Variants in HUWE1 observed in about 807,000 individuals in gnomAD.
The protein encoded by HUWE1 is HECT, UBA and WWE domain containing E3 ubiquitin protein ligase 1.
In HUWE1, 18 loss-of-function variants were observed where a neutral mutation model predicts 299.4. That is an observed-to-expected ratio of 0.06 (90% CI 0.04 to 0.09). The LOEUF (loss-of-function observed/expected upper bound fraction) is 0.09. HUWE1 is among the 10% of genes least tolerant of loss of function. The pLI is 1.00. For missense variants in HUWE1, 1,832 were observed against 3,462.3 expected, an observed-to-expected ratio of 0.53 and a Z score of 11.82; for synonymous variants, 1,317 against 1,286.1, an observed-to-expected ratio of 1.02 and a Z score of -0.51.
Position 53,546,430 on chromosome X carries a change from T to G in HUWE1, c.10915+6A>C, listed in dbSNP as rs782713207. 1 of 1,205,193 alleles carries G rather than the reference T, an allele frequency of 8.3e-7. No homozygotes were observed. On this transcript the variant is annotated splice_donor_region_variant and intron_variant, in intron 70 of 83. Transcript: ENST00000262854. ...GAAAGAGAAAATGCTTTACTTCTGCTATTACCTATTTGTTTACAAAGGGTA... is the reference window on the plus strand; with the variant it reads ...GAAAGAGAAAATGCTTTACTTCTGCGATTACCTATTTGTTTACAAAGGGTA...
intron 3 of HUWE1, among the ~76,000 whole-genome samples, chrX:53,672,993 A>C (rs1480172981): frequency 8.9e-6 from 1 of 112,158 alleles, no homozygotes; most frequent in East Asian, 2.8e-4. Flanking sequence ...TTACTTAAAA[A>C]CAAATTCAGG....
At chrX:53,630,889 C>T in intron 12 of HUWE1, 46 bp downstream of exon 12, 2 of 786,822 alleles carry the variant, frequency 2.5e-6, no homozygotes, top group Non-Finnish European at 3.9e-6. Flanking sequence ...GAAATCAGGC[C>T]CAAACTGTCT....
chrX:53,683,845 T>TGGGGGGGGGGGGGGGGGGGGGGGGG, intron 2 of HUWE1: 2 of 191,734 alleles, frequency 1.0e-5, no homozygotes, highest in East Asian at 8.3e-5. Context: ...CCCTAGTCAC[T>TGGGGGGGGGGGGGGGGGGGGGGGGG]GCCCCCCCAC....
rs910033476 is a variant in HUWE1 at position 53,547,113 on chromosome X, A to G, written c.10637-288T>C. Among the ~76,000 whole-genome samples, 11 of 112,346 alleles carry G rather than the reference A, an allele frequency of 9.8e-5. No homozygotes were observed. In the Admixed American group the frequency reaches 1.0e-3, roughly 11 times the overall value. ...TCTTATGACTGTAACTTCTAAGCTG[A>G]AAAAGAAACCCCAGGCATTTCTTCC... is the stretch of plus-strand genomic sequence containing the variant. On this transcript the variant is annotated intron_variant, in intron 68 of 83. Transcript: ENST00000262854.
At chrX:53,569,350 T>A (rs782095992) in intron 48 of HUWE1, among the ~76,000 whole-genome samples, 2 of 112,725 alleles carry the variant, frequency 1.8e-5, no homozygotes, top group Non-Finnish European at 3.8e-5. Context: ...ATTTAAAATA[T>A]AAGATCAAAT....
rs2061615303 is a variant in HUWE1, at chrX:53,547,882, G to A, written c.10427C>T (p.Ser3476Phe). 8.3e-7 allele frequency: 1 copy of A among 1,207,317 alleles called. No individual in the cohort carries two copies. Among genetic ancestry groups the A allele is most frequent in the Non-Finnish European group, 1.1e-6 (1 of 893,960 alleles). The change falls in exon 68 of 84, where the codon TCT (serine) becomes TTT (phenylalanine). Residue 3476 changes from serine to phenylalanine, a missense_variant. By Grantham distance (155) the Ser-to-Phe change is radical (BLOSUM62 -2). Coordinates refer to ENST00000262854, the MANE Select transcript of HUWE1 (RefSeq NM_031407.7). ...ENKVSEAQAN[S>F]GSGASSTTTA... ...GGTGGTGGAGGAAGCACCGCTGCCAGAATTAGCCTGTGCTTCTGACACCTT... is the reference window on the plus strand; with the variant it reads ...GGTGGTGGAGGAAGCACCGCTGCCAAAATTAGCCTGTGCTTCTGACACCTT...
chrX:53,592,371 C>T, intron 33 of HUWE1, 27 bp downstream of exon 33: 2 of 1,114,882 alleles, frequency 1.8e-6, no homozygotes, highest in Middle Eastern at 2.4e-4. Context: ...AAAGTCTGGA[C>T]CCTGGAGTGT....
chrX:53,602,334 GTT>G (rs78904716), intron 28 of HUWE1, among the ~76,000 whole-genome samples: 4 of 93,588 alleles, frequency 4.3e-5, no homozygotes, highest in Non-Finnish European at 2.1e-5. Flanking sequence ...CTTCCAAAAT[GTT>G]TTTTTTTTTT....
At chrX:53,593,837 G>A (rs2064294802) in intron 31 of HUWE1, among the ~76,000 whole-genome samples, 1 of 112,034 alleles carries the variant, frequency 8.9e-6, no homozygotes, top group African/African-American at 3.2e-5. Context: ...GGTGGCTCAC[G>A]CCTGTAATCC....
rs782387223 is a variant in HUWE1 at position 53,549,117 on chromosome X, C to A, written c.9877G>T (p.Ala3293Ser). The change falls in exon 67 of 84, where the codon GCC (alanine) becomes TCC (serine). Residue 3293 changes from alanine (A) to serine (S), a missense_variant. Physicochemically the swap from Ala to Ser is moderately conservative, Grantham distance 99. This residue lies in a region of HUWE1 where 80 missense variants were observed against 142.1 expected (regional missense o/e 0.56). Coordinates refer to ENST00000262854, the MANE Select transcript of HUWE1 (RefSeq NM_031407.7). ...AATATATTAGTCCTGCAGCCTAGGGCTGCATCCATGGATACTGAGAGCCAG... is the reference window on the plus strand; with the variant it reads ...AATATATTAGTCCTGCAGCCTAGGGATGCATCCATGGATACTGAGAGCCAG... Reference protein sequence around the residue: ...LSWLSVSMDAALGCRTNIFQI... With the variant: ...LSWLSVSMDASLGCRTNIFQI... The A allele has an allele frequency of 8.2e-7, 1 of 1,212,263 alleles. No individual in the cohort carries two copies. The highest frequency in any genetic ancestry group is 1.7e-5 in the African/African-American group (1 of 57,926).
At position 53,614,620 on chromosome X, in the gene HUWE1, G is replaced by C. The variant is rs1557005581; in HGVS notation, c.2175C>G (p.Ala725=). 8.3e-7 allele frequency: 1 copy of C among 1,209,667 alleles called. No individual in the cohort carries two copies. Reference sequence around the variant, plus strand: ...CCTCTTCCTCCTCATCCTCACTAGAGGCTTCTTCTGCGGCATGATTAGACC... The same window carrying C: ...CCTCTTCCTCCTCATCCTCACTAGACGCTTCTTCTGCGGCATGATTAGACC... ...PPRSNHAAEE[A]SSEDEEEEEV... is the part of the protein sequence containing the mutation. The change falls in exon 23 of 84, where the codon GCC becomes GCG. Residue 725 remains alanine (A), a synonymous_variant. Transcript: ENST00000262854.
At position 53,538,989 on chromosome X, in the gene HUWE1, C is replaced by T; in HGVS notation, c.11724G>A (p.Leu3908=). 8.3e-7 allele frequency: 1 copy of T among 1,208,626 alleles called. No individual in the cohort carries two copies. Among genetic ancestry groups the T allele is most frequent in the Non-Finnish European group, 1.1e-6 (1 of 894,282 alleles). The part of the protein sequence containing the change: ...PPVRDTRESQ[L]AHIKDEPPPL... ...GAGGAGGCTCGTCCTTGATGTGTGC[C>T]AGCTGGCTCTCACGGGTGTCTCGGA... The change falls in exon 76 of 84, where the codon CTG becomes CTA. Residue 3908 remains leucine (L), a synonymous_variant. Coordinates refer to ENST00000262854, the MANE Select transcript of HUWE1 (RefSeq NM_031407.7).
Position 53,544,918 on chromosome X carries a change from G to T in HUWE1, c.11048+111C>A, listed in dbSNP as rs1602547968. 21 of 977,330 alleles carry T rather than the reference G, an allele frequency of 2.1e-5. No individual in the cohort carries two copies. In the East Asian group the frequency reaches 6.3e-4, roughly 29 times the overall value. The allele number at this position is 977,330 out of a possible 1,213,427, so 80.5% of individuals were successfully genotyped here. On this transcript the variant is annotated intron_variant, in intron 71 of 83. Transcript: ENST00000262854. ...AAAAAAATGGGTCAAGTGTGTATAG[G>T]AAAGATACGAAAATCACCCAGAGAA...
chrX:53,544,008 AG>A, intron 72 of HUWE1, 40 bp from the exon 73 acceptor site: 1 of 1,100,962 alleles, frequency 9.1e-7, no homozygotes, highest in Non-Finnish European at 1.2e-6. Context: ...TATAAAATAT[AG>A]GAAGAGGGAA....
rs151261147 is a variant in HUWE1, at chrX:53,535,155, A to G, written c.12649+229T>C. Among the ~76,000 whole-genome samples, 1,236 of 111,051 alleles carry G rather than the reference A, an allele frequency of 0.011. 10 individuals are homozygous for G. The highest frequency in any genetic ancestry group is 0.019 in the Non-Finnish European group (986 of 52,898). ...TCACCATGTTGGCCAGGCTGGTCTC[A>G]AACTCCTCACCTCAACTGATCCGCC... is the stretch of plus-strand genomic sequence containing the variant. On this transcript the variant is annotated intron_variant, in intron 81 of 83. Transcript: ENST00000262854.
At chrX:53,623,556 C>T (rs782747239) in intron 19 of HUWE1, among the ~76,000 whole-genome samples, 2 of 111,529 alleles carry the variant, frequency 1.8e-5, no homozygotes, top group East Asian at 2.8e-4. Flanking sequence ...ATATTAAATG[C>T]TTTTCCCTCT....
chrX:53,585,296 T>A, intron 39 of HUWE1, 108 bp from the exon 40 acceptor site: 1 of 762,652 alleles, frequency 1.3e-6, no homozygotes, highest in Non-Finnish European at 1.9e-6. Context: ...AAAAGAAATA[T>A]ACTGGACAAT....
At position 53,539,784 on chromosome X, in the gene HUWE1, C is replaced by T. The variant is rs2061257032; in HGVS notation, c.11505G>A (p.Lys3835=). Reference sequence around the variant, plus strand: ...ACTCAGGTGGTCTTTCTTCCTTTTCCTTCTCCCCCTGTGGGGTTCCATCGG... The same window carrying T: ...ACTCAGGTGGTCTTTCTTCCTTTTCTTTCTCCCCCTGTGGGGTTCCATCGG... ...IASDGTPQGE[K]EKEERPPELP... Residue 3835 remains lysine, a synonymous_variant, in exon 75 of 84, where the codon AAG becomes AAA. Coordinates refer to ENST00000262854, the MANE Select transcript of HUWE1 (RefSeq NM_031407.7). 1.7e-6 allele frequency: 2 copies of T among 1,210,621 alleles called. No homozygotes were observed. Among genetic ancestry groups the T allele is most frequent in the African/African-American group, 3.5e-5 (2 of 57,869 alleles).
Position 53,559,535 on chromosome X carries a change from G to A in HUWE1, c.7737-3C>T. ...CAGCAGCTGAGGGACCAAGCAACCTGTAGGGTAATGGTGGGTACCATGATC... is the reference window on the plus strand; with the variant it reads ...CAGCAGCTGAGGGACCAAGCAACCTATAGGGTAATGGTGGGTACCATGATC... On this transcript the variant is annotated splice_polypyrimidine_tract_variant and splice_region_variant and intron_variant, in intron 56 of 83. Coordinates refer to ENST00000262854, the MANE Select transcript of HUWE1 (RefSeq NM_031407.7). 1 of 1,206,871 alleles carries A rather than the reference G, an allele frequency of 8.3e-7. No homozygotes were observed. Among genetic ancestry groups the A allele is most frequent in the Non-Finnish European group, 1.1e-6 (1 of 892,152 alleles).
Sources: gnomAD v4.1 joint callset for allele counts (sites outside exome capture counted in the v4.1 genomes callset) on GRCh38, gnomAD v4.1.1 for gene constraint, gnomAD v4.1.1 regional missense constraint, MANE v1.5 for transcripts, NCBI Gene and HGNC (gene_info 2026-07-23, HGNC 2026-07-21) for gene names.